The following DOCK9 variants were observed in gnomAD, a reference collection of about 807,000 sequenced individuals.
The protein encoded by DOCK9 is dedicator of cytokinesis protein 9.
A neutral mutation model predicts 263.3 loss-of-function variants in DOCK9; 89 were observed. The ratio of observed to expected loss-of-function variants is 0.34; its 90% CI spans 0.28 to 0.40. The LOEUF is 0.40. Among genes scored for constraint, DOCK9 ranks in the 10% least tolerant of loss-of-function variants. The pLI is 1.00. For synonymous variants in DOCK9, 976 were observed against 973.1 expected, an observed-to-expected ratio of 1.00 and a Z score of -0.06; for missense variants, 2,140 against 2,603.4, an observed-to-expected ratio of 0.82 and a Z score of 3.87.
intron 21 of DOCK9, 97 bp downstream of exon 21, chr13:98,884,874 A>G (rs1293794275): frequency 6.4e-6 from 9 of 1,408,472 alleles, no homozygotes; most frequent in Non-Finnish European, 7.7e-6. Context: ...TGGAAGAGCA[A>G]AAATACTGTT....
chr13:98,917,780 T>C (rs947791973), intron 7 of DOCK9, among the ~76,000 whole-genome samples: 2 of 152,148 alleles, frequency 1.3e-5, no homozygotes, highest in African/African-American at 4.8e-5. Flanking sequence ...TACCAATAAC[T>C]AAAGTTACCA....
At chr13:98,820,606 C>T (rs1371274197) in intron 45 of DOCK9, 1 of 348,928 alleles carries the variant, frequency 2.9e-6, no homozygotes, top group African/African-American at 2.2e-5. Context: ...AGGTACATTA[C>T]TCGTATATAT....
Position 98,814,951 on chromosome 13 carries a change from A to G in DOCK9, c.5131-4660T>C, listed in dbSNP as rs1192832165. On this transcript the variant is annotated intron_variant, in intron 45 of 52. Transcript: ENST00000682017. ...ATTCTGTCTCAAAATAAAATAAAAT[A>G]AAATAAAATAAAATAAAATAAAATA... Among the ~76,000 whole-genome samples the G allele has an allele frequency of 2.0e-4, 9 of 45,348 alleles. 1 individual carries two copies. Among genetic ancestry groups the G allele is most frequent in the Non-Finnish European group, 3.7e-4 (7 of 18,682 alleles). The allele number at this position is 45,348 out of a possible 152,430, so 29.8% of individuals were successfully genotyped here.
intron 33 of DOCK9, chr13:98,856,310 T>C (rs2093705478): frequency 3.8e-6 from 1 of 265,608 alleles, no homozygotes; most frequent in Non-Finnish European, 7.1e-6. Flanking sequence ...CAGAATGTGA[T>C]AGAATGAAGA....
At chr13:98,801,934 A>C (rs138301697) in intron 49 of DOCK9, among the ~76,000 whole-genome samples, 68 of 152,364 alleles carry the variant, frequency 4.5e-4, no homozygotes, top group African/African-American at 1.5e-3. Context: ...ACAATGTTTT[A>C]TCAGTGAAAG....
chr13:99,019,019 T>C (rs937071945), intron 1 of DOCK9, among the ~76,000 whole-genome samples: 7 of 152,198 alleles, frequency 4.6e-5, no homozygotes, highest in Non-Finnish European at 8.8e-5. Context: ...CAAACTCATA[T>C]GGCACATCCA....
At chr13:98,807,044 GC>G (rs1485756895) in intron 48 of DOCK9, among the ~76,000 whole-genome samples, 1 of 152,152 alleles carries the variant, frequency 6.6e-6, no homozygotes, top group Non-Finnish European at 1.5e-5. Context: ...AAACCGTCTT[GC>G]CCCATGTTTC....
At chr13:98,942,226 T>G (rs1249288445) in intron 2 of DOCK9, among the ~76,000 whole-genome samples, 3 of 133,938 alleles carry the variant, frequency 2.2e-5, no homozygotes, top group African/African-American at 6.5e-5. Flanking sequence ...TTATGTTTTT[T>G]TTTTTGTTGT....
In DOCK9 at chr13:98,797,406, CA is replaced by C; in HGVS notation, c.5999del (p.Leu2000ArgfsTer17). ...TGCTTTACCTGAAAACTTCCTTAAG[CA>C]GCTTCACTTTATTGTCAGGATATCG... ...TKRYPDNKVK[L>X]LKEVFRQFVE... On this transcript the variant is annotated frameshift_variant, in exon 51 of 53. Transcript: ENST00000682017. LOFTEE classifies it high-confidence loss of function. The C allele has an allele frequency of 6.2e-7, 1 of 1,613,584 alleles. No individual in the cohort carries two copies. Among genetic ancestry groups the C allele is most frequent in the Non-Finnish European group, 8.5e-7 (1 of 1,179,692 alleles).
Position 98,800,538 on chromosome 13 carries a change from C to G in DOCK9, c.5726-60G>C, listed in dbSNP as rs2089997271. On this transcript the variant is annotated intron_variant, in intron 49 of 52. Coordinates refer to ENST00000682017, the MANE Select transcript of DOCK9 (RefSeq NM_001366683.2). ...TTGCACGAGCTTTAGTGTTATTGAG[C>G]TGATTATTATTAGAAGTGATTATTA... 13 of 1,558,138 alleles carry G rather than the reference C, an allele frequency of 8.3e-6. No homozygotes were observed. In the South Asian group the frequency reaches 1.5e-4, roughly 18 times the overall value.
chr13:98,794,629 CACGACCGAAG>C lies in DOCK9; in HGVS notation c.6266_6275del (p.Ser2089CysfsTer44). On this transcript the variant is annotated frameshift_variant, in exon 53 of 53. Transcript: ENST00000682017. LOFTEE classifies it high-confidence loss of function. ...ACACACGGGCCATGAGATGTAATCA[CACGACCGAAG>C]ACGAGCTGGTCATCCCGTGAACCAT... The C allele has an allele frequency of 6.3e-7, 1 of 1,590,368 alleles. No homozygotes were observed. Among genetic ancestry groups the C allele is most frequent in the Non-Finnish European group, 8.6e-7 (1 of 1,168,136 alleles).
chr13:98,811,299 T>C (rs1461573091), intron 45 of DOCK9, among the ~76,000 whole-genome samples: 1 of 152,242 alleles, frequency 6.6e-6, no homozygotes. Flanking sequence ...TCAAATCTTT[T>C]GCTCATTTTT....
At chr13:98,896,989 T>C (rs1419297215) in intron 15 of DOCK9, among the ~76,000 whole-genome samples, 2 of 152,284 alleles carry the variant, frequency 1.3e-5, no homozygotes, top group East Asian at 1.9e-4. Flanking sequence ...AAGAGGACCA[T>C]GTGAGGCCAG....
intron 27 of DOCK9, among the ~76,000 whole-genome samples, chr13:98,871,234 G>A (rs554387601): frequency 1.3e-5 from 2 of 152,234 alleles, no homozygotes; most frequent in Non-Finnish European, 2.9e-5. Flanking sequence ...AGGTAAAAAT[G>A]TGAGGGTGGG....
At chr13:98,905,699 C>A (rs1280263936) in intron 9 of DOCK9, among the ~76,000 whole-genome samples, 1 of 151,854 alleles carries the variant, frequency 6.6e-6, no homozygotes, top group African/African-American at 2.4e-5. Context: ...AAATGGGCAA[C>A]CAGCAGCCCA....
intron 13 of DOCK9, among the ~76,000 whole-genome samples, chr13:98,900,290 C>T (rs2048077460): frequency 6.6e-6 from 1 of 152,162 alleles, no homozygotes; most frequent in South Asian, 2.1e-4. Flanking sequence ...AATTTCAAAC[C>T]ATGCATGCGG....
intron 1 of DOCK9, among the ~76,000 whole-genome samples, chr13:99,084,273 A>C (rs1338756876): frequency 2.0e-5 from 3 of 152,178 alleles, no homozygotes; most frequent in Non-Finnish European, 4.4e-5. Context: ...GCCCTCCCAG[A>C]TTCTTCCTTC....
At chr13:98,930,301 G>A (rs1466031255) in intron 2 of DOCK9, 44 bp from the exon 3 acceptor site, 1 of 1,537,782 alleles carries the variant, frequency 6.5e-7, no homozygotes, top group East Asian at 2.3e-5. Context: ...AAGTGAAGGA[G>A]GCAGGTGCCA....
At position 99,086,155 on chromosome 13, in the gene DOCK9, C is replaced by CGGCCCGG. The variant is rs2042332657; in HGVS notation, c.129+61_129+67dup. The CGGCCCGG allele has an allele frequency of 2.1e-6, 3 of 1,407,152 alleles. No individual in the cohort carries two copies. In the East Asian group the frequency reaches 9.2e-5, roughly 43 times the overall value. The allele number at this position is 1,407,152 out of a possible 1,614,324, so 87.2% of individuals were successfully genotyped here. On this transcript the variant is annotated intron_variant, in intron 1 of 32. Transcript: ENST00000427887. ...TCAGCCCTGCCGACTAAGAGGCGCCCGGCCCGGGGCCCGCAGCTGCCTGCG... is the reference window on the plus strand; with the variant it reads ...TCAGCCCTGCCGACTAAGAGGCGCCCGGCCCGGGGCCCGGGGCCCGCAGCTGCCTGCG...
Sources: gnomAD v4.1 joint callset for allele counts (sites outside exome capture counted in the v4.1 genomes callset) on GRCh38, gnomAD v4.1.1 for gene constraint, MANE v1.5 for transcripts, NCBI Gene and HGNC (gene_info 2026-07-23, HGNC 2026-07-21) for gene names.